Variants in CCDC148 observed in about 807,000 individuals in gnomAD.
The protein encoded by CCDC148 is coiled-coil domain-containing protein 148.
CCDC148 carries 89 observed loss-of-function variants against 85.7 expected under a neutral mutation model. The ratio of observed to expected loss-of-function variants is 1.04; its 90% CI spans 0.87 to 1.24. CCDC148 has a LOEUF of 1.24. Among genes scored for constraint, CCDC148 ranks in the 50% most tolerant of loss-of-function variants. The probability of loss-of-function intolerance (pLI) is 0.00; values close to 1 mark genes in which losing one functional copy is unlikely to be tolerated. For missense variants in CCDC148, 692 were observed against 671.7 expected (o/e 1.03, Z -0.33); for synonymous variants, 230 against 213.9 (o/e 1.08, Z -0.66).
chr2:158,344,295 T>C (rs563136157), intron 3 of CCDC148, among the ~76,000 whole-genome samples: 1 of 152,266 alleles, frequency 6.6e-6, no homozygotes, highest in Admixed American at 6.5e-5. Flanking sequence ...ACTTTGTTTT[T>C]CTATGTTTTA....
intron 1 of CCDC148, among the ~76,000 whole-genome samples, chr2:158,394,522 A>G (rs1335588644): frequency 6.6e-6 from 1 of 152,010 alleles, no homozygotes; most frequent in African/African-American, 2.4e-5. Context: ...CTAATAAATA[A>G]CAGTCAGTAC....
intron 1 of CCDC148, among the ~76,000 whole-genome samples, chr2:158,442,851 C>A (rs539560136): frequency 6.6e-6 from 1 of 152,282 alleles, no homozygotes; most frequent in African/African-American, 2.4e-5. Flanking sequence ...ACTGTTCTTC[C>A]CATTTTGCAG....
intron 3 of CCDC148, among the ~76,000 whole-genome samples, chr2:158,341,907 AT>A (rs982605555): frequency 3.0e-3 from 347 of 117,482 alleles, no homozygotes; most frequent in African/African-American, 3.8e-3. Context: ...ATGTTGTGGG[AT>A]TTTTTTTTTT....
chr2:158,315,665 T>C (rs1692245260), intron 7 of CCDC148, among the ~76,000 whole-genome samples: 1 of 152,076 alleles, frequency 6.6e-6, no homozygotes, highest in African/African-American at 2.4e-5. Flanking sequence ...CTTTATTAGA[T>C]GGAATTCCCA....
chr2:158,346,391 C>T, intron 2 of CCDC148, among the ~76,000 whole-genome samples: 1 of 152,198 alleles, frequency 6.6e-6, no homozygotes, highest in African/African-American at 2.4e-5. Flanking sequence ...CAACTATCTC[C>T]GGGTAACCTC....
chr2:158,339,791 A>T (rs939369888), intron 5 of CCDC148, among the ~76,000 whole-genome samples: 2 of 152,214 alleles, frequency 1.3e-5, no homozygotes, highest in Non-Finnish European at 2.9e-5. Flanking sequence ...AACAGAAAGA[A>T]GGCCAGCCTG....
intron 11 of CCDC148, among the ~76,000 whole-genome samples, chr2:158,191,808 T>C (rs987768164): frequency 1.3e-5 from 2 of 151,960 alleles, no homozygotes; most frequent in Admixed American, 1.3e-4. Context: ...TTTTTTTTCT[T>C]TGGAGACAGA....
At chr2:158,306,472 T>C (rs1459603210) in intron 9 of CCDC148, among the ~76,000 whole-genome samples, 2 of 151,996 alleles carry the variant, frequency 1.3e-5, no homozygotes, top group African/African-American at 4.8e-5. Context: ...ATGTGGCACA[T>C]ATACACCATG....
At chr2:158,290,084 A>G (rs765446091) in intron 9 of CCDC148, among the ~76,000 whole-genome samples, 1 of 152,236 alleles carries the variant, frequency 6.6e-6, no homozygotes, top group Non-Finnish European at 1.5e-5. Context: ...AATAAAGGGT[A>G]GAGCATAGTA....
At chr2:158,294,026 T>C (rs6744053) in intron 9 of CCDC148, among the ~76,000 whole-genome samples, 2,150 of 54,384 alleles carry the variant, frequency 0.04, 280 homozygotes, top group Non-Finnish European at 0.048. Flanking sequence ...CCTTCCTTCC[T>C]TCCTTCCTTC....
intron 1 of CCDC148, among the ~76,000 whole-genome samples, chr2:158,400,964 TG>T (rs1685754444): frequency 6.6e-6 from 1 of 152,234 alleles, no homozygotes; most frequent in African/African-American, 2.4e-5. Context: ...TCATCATCCC[TG>T]GTCATCACAG....
chr2:158,240,450 T>TCACACACACA (rs1284517602), intron 10 of CCDC148, among the ~76,000 whole-genome samples: 18 of 92,480 alleles, frequency 1.9e-4, no homozygotes, highest in Admixed American at 6.1e-4. Flanking sequence ...TCTCTCTCTC[T>TCACACACACA]CTCACACACA....
intron 1 of CCDC148, among the ~76,000 whole-genome samples, chr2:158,430,647 A>G (rs917274650): frequency 6.6e-6 from 1 of 152,204 alleles, no homozygotes; most frequent in African/African-American, 2.4e-5. Context: ...AAAGATAAAT[A>G]TTTAAGGTGA....
At chr2:158,217,904 A>C (rs1359982629) in intron 11 of CCDC148, among the ~76,000 whole-genome samples, 1 of 152,234 alleles carries the variant, frequency 6.6e-6, no homozygotes, top group Non-Finnish European at 1.5e-5. Flanking sequence ...ATTGTATTTC[A>C]GTAGTACAGA....
At chr2:158,205,368 ATCTC>A (rs1422154478) in intron 11 of CCDC148, among the ~76,000 whole-genome samples, 7 of 152,134 alleles carry the variant, frequency 4.6e-5, no homozygotes, top group African/African-American at 1.7e-4. Flanking sequence ...AGCAATGAAT[ATCTC>A]TATCTGAGGC....
At chr2:158,256,374 C>T (rs1354633175) in intron 9 of CCDC148, among the ~76,000 whole-genome samples, 1 of 151,630 alleles carries the variant, frequency 6.6e-6, no homozygotes, top group Admixed American at 6.6e-5. Flanking sequence ...ATTCTGATAC[C>T]ATATTTTCCT....
chr2:158,440,991 C>G (rs1687909153), intron 1 of CCDC148, among the ~76,000 whole-genome samples: 1 of 152,026 alleles, frequency 6.6e-6, no homozygotes, highest in African/African-American at 2.4e-5. Context: ...CTGTAGTATA[C>G]ACTGATCACA....
chr2:158,336,797 C>A (rs910053347), intron 7 of CCDC148, among the ~76,000 whole-genome samples: 1 of 152,042 alleles, frequency 6.6e-6, no homozygotes, highest in Non-Finnish European at 1.5e-5. Flanking sequence ...ACAAATATAA[C>A]TACTAAATTA....
intron 11 of CCDC148, among the ~76,000 whole-genome samples, chr2:158,184,880 GC>G (rs1315905543): frequency 6.6e-6 from 1 of 152,148 alleles, no homozygotes; most frequent in Non-Finnish European, 1.5e-5. Context: ...GTCAAGCGGA[GC>G]CCCCAAATCT....
Sources: gnomAD v4.1 joint callset for allele counts (sites outside exome capture counted in the v4.1 genomes callset) on GRCh38, gnomAD v4.1.1 for gene constraint, MANE v1.5 for transcripts, NCBI Gene and HGNC (gene_info 2026-07-23, HGNC 2026-07-21) for gene names.